NALF1: variants seen among roughly 807,000 people sequenced by gnomAD.
The protein encoded by NALF1 is family with sequence similarity 155 member A.
A neutral mutation model predicts 48.4 loss-of-function variants in NALF1; 3 were observed. The ratio of observed to expected loss-of-function variants is 0.06; its 90% confidence interval spans 0.03 to 0.16. The LOEUF (loss-of-function observed/expected upper bound fraction) is 0.16, where lower values mean the gene tolerates loss of function less well. NALF1 is among the 10% of genes least tolerant of loss of function. The pLI is 1.00. For missense variants in NALF1, 526 were observed against 571.5 expected (o/e 0.92, Z 0.81); for synonymous variants, 262 against 245.7 (o/e 1.07, Z -0.62).
At chr13:107,568,384 G>A (rs1266312293) in intron 1 of NALF1, among the ~76,000 whole-genome samples, 1 of 152,162 alleles carries the variant, frequency 6.6e-6, no homozygotes, top group Non-Finnish European at 1.5e-5. Flanking sequence ...CCTGTTAGGG[G>A]CTATCACAAA....
At chr13:107,754,972 A>T (rs1444566931) in intron 1 of NALF1, among the ~76,000 whole-genome samples, 1 of 152,192 alleles carries the variant, frequency 6.6e-6, no homozygotes, top group Non-Finnish European at 1.5e-5. Flanking sequence ...GTTATAGTTA[A>T]GGTCTTCTGG....
chr13:107,821,550 G>T (rs540887550), intron 1 of NALF1, among the ~76,000 whole-genome samples: 1 of 152,244 alleles, frequency 6.6e-6, no homozygotes, highest in East Asian at 1.9e-4. Flanking sequence ...TATAGACAAA[G>T]CTAGAGTCAG....
intron 1 of NALF1, among the ~76,000 whole-genome samples, chr13:107,415,153 A>T (rs1051061206): frequency 2.6e-5 from 4 of 152,224 alleles, no homozygotes; most frequent in African/African-American, 9.6e-5. Context: ...CTTAGTCTTA[A>T]AACTCATATT....
intron 1 of NALF1, among the ~76,000 whole-genome samples, chr13:107,452,081 C>A (rs1247518416): frequency 7.9e-6 from 1 of 125,860 alleles, no homozygotes; most frequent in Non-Finnish European, 1.8e-5. Flanking sequence ...TTTGACCTCA[C>A]TGAGGCTTCT....
At chr13:107,296,618 T>C (rs933505894) in intron 1 of NALF1, among the ~76,000 whole-genome samples, 3 of 152,146 alleles carry the variant, frequency 2.0e-5, no homozygotes, top group Non-Finnish European at 4.4e-5. Context: ...GGTAAAGTAC[T>C]TCCCTTTAAA....
intron 1 of NALF1, among the ~76,000 whole-genome samples, chr13:107,274,350 C>T (rs142564103): frequency 6.6e-6 from 1 of 152,180 alleles, no homozygotes; most frequent in Admixed American, 6.5e-5. Flanking sequence ...GCAGGAGGAT[C>T]ACTTGAGGCT....
intron 1 of NALF1, among the ~76,000 whole-genome samples, chr13:107,428,572 G>C (rs912744562): frequency 3.3e-5 from 5 of 152,126 alleles, no homozygotes; most frequent in African/African-American, 1.2e-4. Flanking sequence ...AACAGCCCTA[G>C]AGAAGGTGCC....
At chr13:107,800,747 T>C (rs1878589641) in intron 1 of NALF1, among the ~76,000 whole-genome samples, 1 of 147,802 alleles carries the variant, frequency 6.8e-6, no homozygotes, top group Non-Finnish European at 1.5e-5. Flanking sequence ...ATATATGATA[T>C]AATATATAAT....
intron 1 of NALF1, among the ~76,000 whole-genome samples, chr13:107,812,505 A>C (rs1187985503): frequency 6.6e-6 from 1 of 152,122 alleles, no homozygotes; most frequent in East Asian, 1.9e-4. Flanking sequence ...GTCAATGAAA[A>C]AATATTTCTA....
In NALF1 at chr13:107,166,759, C is replaced by T. The variant is rs34364529; in HGVS notation, c.*3738G>A. ...TTCCCCCTCATTCCCCGACTCTATC[C>T]CTCCCTTCTTCCCTCCCTCCCTCAC... On this transcript the variant is annotated 3_prime_UTR_variant, in exon 3 of 3. Transcript: ENST00000375915. The T allele has an allele frequency of 0.047, 7,160 of 151,950 alleles. 226 individuals are homozygous for T. Among genetic ancestry groups the T allele is most frequent in the Admixed American group, 0.095 (1,446 of 15,256 alleles). 9.4% of individuals were successfully genotyped at this position (151,950 alleles called of 1,614,324 possible). A position where few individuals can be genotyped will look rare whatever the true frequency, so the allele number is the denominator to read the frequency against.
At chr13:107,493,548 C>T (rs775643915) in intron 1 of NALF1, among the ~76,000 whole-genome samples, 1 of 152,038 alleles carries the variant, frequency 6.6e-6, no homozygotes, top group Non-Finnish European at 1.5e-5. Context: ...AAGAAGTTTA[C>T]AGTTCTGAGG....
At chr13:107,545,609 G>A (rs1433193072) in intron 1 of NALF1, among the ~76,000 whole-genome samples, 1 of 152,046 alleles carries the variant, frequency 6.6e-6, no homozygotes, top group Non-Finnish European at 1.5e-5. Flanking sequence ...GAGCAGATAT[G>A]GAGCTGAGGG....
intron 1 of NALF1, among the ~76,000 whole-genome samples, chr13:107,274,004 C>T (rs549105909): frequency 2.0e-5 from 3 of 151,438 alleles, no homozygotes; most frequent in African/African-American, 7.3e-5. Context: ...ATCTGAGAAA[C>T]TACATTCACT....
chr13:107,396,000 T>C (rs1883705606), intron 1 of NALF1, among the ~76,000 whole-genome samples: 2 of 152,168 alleles, frequency 1.3e-5, no homozygotes, highest in Admixed American at 6.6e-5. Flanking sequence ...AAAAATCTCT[T>C]AGACTAAGTA....
Position 107,565,065 on chromosome 13 carries a change from CAAAAAA to C in NALF1, c.915+300611_915+300616del, listed in dbSNP as rs71754551. ...AGTAGGAAACAAGGGGTGATATCTG[CAAAAAA>C]AAAAAAAAAAAAACCTAGCATAAGT... On this transcript the variant is annotated intron_variant, in intron 1 of 2. Coordinates refer to ENST00000375915, the MANE Select transcript of NALF1 (RefSeq NM_001080396.3). 1.3e-4 allele frequency among the ~76,000 whole-genome samples: 3 copies of C among 23,196 alleles called. No individual in the cohort carries two copies. The Admixed American group carries it at 1.8e-3, about 14-fold the overall frequency. The allele number at this position is 23,196 out of a possible 152,430, so 15.2% of individuals were successfully genotyped here.
intron 1 of NALF1, among the ~76,000 whole-genome samples, chr13:107,782,302 G>A (rs1284322332): frequency 6.6e-6 from 1 of 152,238 alleles, no homozygotes; most frequent in African/African-American, 2.4e-5. Context: ...TGATCCGCCA[G>A]CCTCGGCCTC....
chr13:107,448,194 A>T (rs1470547059), intron 1 of NALF1, among the ~76,000 whole-genome samples: 1 of 152,008 alleles, frequency 6.6e-6, no homozygotes, highest in Admixed American at 6.6e-5. Flanking sequence ...ACTGGCTCAT[A>T]CCTTCGATTC....
intron 1 of NALF1, among the ~76,000 whole-genome samples, chr13:107,474,162 G>C (rs369609526): frequency 1.3e-5 from 2 of 152,054 alleles, no homozygotes; most frequent in South Asian, 4.1e-4. Context: ...GGACAGTATA[G>C]GATAACAACA....
chr13:107,597,721 T>C (rs1175727405), intron 1 of NALF1, among the ~76,000 whole-genome samples: 1 of 152,148 alleles, frequency 6.6e-6, no homozygotes, highest in Non-Finnish European at 1.5e-5. Context: ...CCTATGAATA[T>C]CTAAATTTTA....
Sources: gnomAD v4.1 joint callset for allele counts (sites outside exome capture counted in the v4.1 genomes callset) on GRCh38, gnomAD v4.1.1 for gene constraint, MANE v1.5 for transcripts, NCBI Gene and HGNC (gene_info 2026-07-23, HGNC 2026-07-21) for gene names.